KCNK10: variants seen among roughly 807,000 people sequenced by gnomAD.
The protein encoded by KCNK10 is potassium two pore domain channel subfamily K member 10.
In KCNK10, 25 loss-of-function variants were observed where a neutral mutation model predicts 47.7. That is an observed-to-expected ratio of 0.52 (90% confidence interval 0.38 to 0.73). The LOEUF (loss-of-function observed/expected upper bound fraction) is 0.73, where lower values mean the gene tolerates loss of function less well. Ranked by LOEUF, KCNK10 falls within the 30% of genes least tolerant of loss-of-function variation. The pLI, the probability that KCNK10 is intolerant of heterozygous loss-of-function variation, is 0.00. For missense variants in KCNK10, 563 were observed against 714.5 expected (o/e 0.79, Z 2.42); for synonymous variants, 303 against 285.6 (o/e 1.06, Z -0.61).
intron 4 of KCNK10, among the ~76,000 whole-genome samples, chr14:88,204,995 T>C (rs1379408135): frequency 2.0e-5 from 3 of 152,244 alleles, no homozygotes; most frequent in Admixed American, 6.5e-5. Context: ...TATAGTATCA[T>C]ACACAATAGT....
At chr14:88,281,830 T>TTG (rs10541411) in intron 1 of KCNK10, among the ~76,000 whole-genome samples, 4,869 of 148,392 alleles carry the variant, frequency 0.033, 235 homozygotes, top group African/African-American at 0.11. Context: ...CAAGATACAT[T>TTG]TGTGTGTGTG....
chr14:88,325,181 C>T (rs1439341423), upstream of KCNK10, among the ~76,000 whole-genome samples: 2 of 152,178 alleles, frequency 1.3e-5, no homozygotes, highest in Non-Finnish European at 2.9e-5. Flanking sequence ...ATTCTGTTCT[C>T]AAGTCCAGAG....
chr14:88,280,038 T>G (rs1021315689), intron 1 of KCNK10, among the ~76,000 whole-genome samples: 1 of 152,164 alleles, frequency 6.6e-6, no homozygotes, highest in Non-Finnish European at 1.5e-5. Context: ...AAACCTCTCC[T>G]TCCCGGTCTT....
At chr14:88,310,600 T>C (rs1888307407) in intron 1 of KCNK10, among the ~76,000 whole-genome samples, 1 of 152,180 alleles carries the variant, frequency 6.6e-6, no homozygotes, top group Non-Finnish European at 1.5e-5. Context: ...GATTATTGCC[T>C]GAGCAGCAGG....
Position 88,246,264 on chromosome 14 carries a change from GAAAAAAAAAA to G in KCNK10, c.403-5454_403-5445del, listed in dbSNP as rs35102974. On this transcript the variant is annotated intron_variant, in intron 2 of 6. Transcript: ENST00000319231. ...GGGGACAGAGCGAGACTCCGTCTCA[GAAAAAAAAAA>G]AAAAAAAAAAAAAGGGAGCCTATTC... Among the ~76,000 whole-genome samples, 4 of 55,336 alleles carry G rather than the reference GAAAAAAAAAA, an allele frequency of 7.2e-5. 1 individual carries two copies. The highest frequency in any genetic ancestry group is 4.8e-4 in the East Asian group (1 of 2,102). 36.3% of individuals were successfully genotyped at this position (55,336 alleles called of 152,430 possible). A position where few individuals can be genotyped will look rare whatever the true frequency, so the allele number is the denominator to read the frequency against.
At chr14:88,252,173 C>T (rs1047781195) in intron 2 of KCNK10, among the ~76,000 whole-genome samples, 1 of 152,022 alleles carries the variant, frequency 6.6e-6, no homozygotes, top group African/African-American at 2.4e-5. Context: ...CCTCAGCCTC[C>T]CAAAGTGCTG....
intron 2 of KCNK10, among the ~76,000 whole-genome samples, chr14:88,250,849 C>T (rs1886774132): frequency 6.6e-6 from 1 of 152,050 alleles, no homozygotes; most frequent in African/African-American, 2.4e-5. Flanking sequence ...TATTGACAAC[C>T]AGACCAAAAA....
chr14:88,212,879 T>A (rs1240611498), intron 4 of KCNK10, among the ~76,000 whole-genome samples: 1 of 152,140 alleles, frequency 6.6e-6, no homozygotes, highest in Non-Finnish European at 1.5e-5. Flanking sequence ...TTCAGGAGAG[T>A]GCAGTTTGTT....
Position 88,298,130 on chromosome 14 carries a change from AG to A in KCNK10, c.52+24616del, listed in dbSNP as rs1888024608. Among the ~76,000 whole-genome samples, 4 of 152,224 alleles carry A rather than the reference AG, an allele frequency of 2.6e-5. No individual in the cohort carries two copies. The South Asian group carries it at 8.3e-4, about 32-fold the overall frequency. ...ATCCCAAAATATAAGGAAATTGAAA[AG>A]GAACTACCTATTTTATGTATAAAAA... On this transcript the variant is annotated intron_variant, in intron 1 of 6. Coordinates refer to ENST00000319231, the MANE Select transcript of KCNK10 (RefSeq NM_138317.3).
chr14:88,285,624 T>C (rs1170001440), intron 1 of KCNK10, among the ~76,000 whole-genome samples: 1 of 152,206 alleles, frequency 6.6e-6, no homozygotes. Context: ...GCTTAGCTGT[T>C]CTAAGGAGTC....
intron 2 of KCNK10, among the ~76,000 whole-genome samples, chr14:88,253,920 T>C (rs1180774621): frequency 6.6e-6 from 1 of 152,002 alleles, no homozygotes; most frequent in Non-Finnish European, 1.5e-5. Flanking sequence ...GGGAAGCCCA[T>C]AGACGTCATA....
chr14:88,320,369 C>T (rs1211427930), intron 1 of KCNK10, among the ~76,000 whole-genome samples: 3 of 152,046 alleles, frequency 2.0e-5, no homozygotes, highest in Non-Finnish European at 2.9e-5. Context: ...TGTCTGTGTT[C>T]ATCACTGTAA....
intron 2 of KCNK10, among the ~76,000 whole-genome samples, chr14:88,259,669 C>A (rs1279195531): frequency 6.6e-6 from 1 of 152,190 alleles, no homozygotes; most frequent in Non-Finnish European, 1.5e-5. Flanking sequence ...GTTGTCCAGA[C>A]TGGTCTCGAA....
chr14:88,198,625 G>A (rs1024847126), intron 4 of KCNK10, among the ~76,000 whole-genome samples: 5 of 152,136 alleles, frequency 3.3e-5, no homozygotes, highest in African/African-American at 1.2e-4. Flanking sequence ...ATTCTAATAG[G>A]ATAAATGCTC....
At chr14:88,235,333 A>G (rs1447993151) in intron 3 of KCNK10, 2 of 428,424 alleles carry the variant, frequency 4.7e-6, no homozygotes, top group East Asian at 7.1e-5. Flanking sequence ...AAACTTCCAT[A>G]AGAAAAAAAA....
chr14:88,246,376 A>G (rs867647751), intron 2 of KCNK10, among the ~76,000 whole-genome samples: 23 of 152,190 alleles, frequency 1.5e-4, no homozygotes, highest in African/African-American at 5.5e-4. Context: ...TTACTACTCA[A>G]AAATGCCCCT....
chr14:88,192,196 C>CA, intron 5 of KCNK10, 28 bp downstream of exon 5: 2 of 1,575,160 alleles, frequency 1.3e-6, no homozygotes, highest in Non-Finnish European at 1.7e-6. Context: ...GCCAGAGCCC[C>CA]AGTGCCTGGC....
intron 3 of KCNK10, among the ~76,000 whole-genome samples, chr14:88,238,640 C>T (rs1886363454): frequency 6.6e-6 from 1 of 152,190 alleles, no homozygotes; most frequent in South Asian, 2.1e-4. Context: ...CACCACTGCA[C>T]TCCTGCGTGG....
chr14:88,210,389 C>A (rs1321323437), intron 4 of KCNK10, among the ~76,000 whole-genome samples: 5 of 152,034 alleles, frequency 3.3e-5, no homozygotes, highest in South Asian at 2.1e-4. Flanking sequence ...AGAACACACA[C>A]AAAAAAGTGT....
Sources: gnomAD v4.1 joint callset for allele counts (sites outside exome capture counted in the v4.1 genomes callset) on GRCh38, gnomAD v4.1.1 for gene constraint, MANE v1.5 for transcripts, NCBI Gene and HGNC (gene_info 2026-07-23, HGNC 2026-07-21) for gene names.